The following ZNF276 variants were observed in gnomAD, a reference collection of about 807,000 sequenced individuals.
ZNF276 encodes the protein centromere protein Z.
In ZNF276, 59 loss-of-function variants were observed where a neutral mutation model predicts 63.9. The observed-to-expected ratio is 0.92, with a 90% CI of 0.75 to 1.15. ZNF276 has a LOEUF of 1.15. Among genes scored for constraint, ZNF276 ranks in the 50% most tolerant of loss-of-function variants. ZNF276 has a pLI of 0.00. For synonymous variants in ZNF276, 496 were observed against 348.4 expected, an observed-to-expected ratio of 1.42 and a Z score of -4.72; for missense variants, 1,084 against 843.8, an observed-to-expected ratio of 1.28 and a Z score of -3.53.
chr16:89,729,815 T>TA (rs2061588148), intron 6 of ZNF276, among the ~76,000 whole-genome samples: 1 of 152,224 alleles, frequency 6.6e-6, no homozygotes, highest in Non-Finnish European at 1.5e-5. Flanking sequence ...CCCTGTTGAA[T>TA]GACTTCTGTG....
Position 89,733,999 on chromosome 16 carries a change from G to C in ZNF276, c.1435G>C (p.Asp479His). The change falls in exon 9 of 11, where the codon GAC (aspartate) becomes CAC (histidine). Residue 479 changes from aspartate (D) to histidine (H), a missense_variant. Transcript: ENST00000443381. ...TGGCTGCAACAAGGTTTTCATGATC[G>C]ACCGCTACCTGCAGCGCCACGTGAA... is the stretch of plus-strand genomic sequence containing the variant. ...HPGCNKVFMI[D>H]RYLQRHVKLI... 1 of 1,614,076 alleles carries C rather than the reference G, an allele frequency of 6.2e-7. No homozygotes were observed. The highest frequency in any genetic ancestry group is 8.5e-7 in the Non-Finnish European group (1 of 1,180,030).
In ZNF276 at chr16:89,739,915, G is replaced by T. The variant is rs376159415; in HGVS notation, c.*1669G>T. 6.9e-6 allele frequency: 11 copies of T among 1,594,824 alleles called. No homozygotes were observed. The African/African-American group carries it at 1.3e-4, about 19-fold the overall frequency. On this transcript the variant is annotated 3_prime_UTR_variant, in exon 11 of 11. Coordinates refer to ENST00000443381, the MANE Select transcript of ZNF276 (RefSeq NM_001113525.2). ...TTACTTAGCAAGGAACCTCAAGGAG[G>T]GCTCGTTCTTAACCATTTGCAAGAT...
intron 6 of ZNF276, among the ~76,000 whole-genome samples, chr16:89,729,602 G>A (rs7185737): frequency 0.82 from 124,030 of 152,016 alleles, 51,707 homozygotes; most frequent in Non-Finnish European, 0.9. Flanking sequence ...TCTGTCGACA[G>A]AACCCCGCCT....
intron 6 of ZNF276, among the ~76,000 whole-genome samples, chr16:89,730,859 G>C (rs1223555555): frequency 6.6e-6 from 1 of 152,190 alleles, no homozygotes; most frequent in Non-Finnish European, 1.5e-5. Context: ...GGGCGTGCCC[G>C]CCTGTGTCCT....
Position 89,738,182 on chromosome 16 carries a change from C to G in ZNF276, c.1781C>G (p.Pro594Arg), listed in dbSNP as rs763348972. The G allele has an allele frequency of 6.2e-7, 1 of 1,611,872 alleles. No individual in the cohort carries two copies. Among genetic ancestry groups the G allele is most frequent in the Non-Finnish European group, 8.5e-7 (1 of 1,179,484 alleles). Residue 594 changes from proline to arginine, a missense_variant, in exon 11 of 11, where the codon CCA (proline) becomes CGA (arginine). Transcript: ENST00000443381. ...DKALPLEAEP[P>R]PGPPSPSVTT... ...GCCCTGCCCCTGGAGGCGGAACCACCACCTGGGCCACCGAGCCCCTCTGTG... is the reference window on the plus strand; with the variant it reads ...GCCCTGCCCCTGGAGGCGGAACCACGACCTGGGCCACCGAGCCCCTCTGTG...
At position 89,733,266 on chromosome 16, in the gene ZNF276, C is replaced by G. The variant is rs755924672; in HGVS notation, c.1170-36C>G. ...CAAAAAACATTTTGCAAATGGAGAT[C>G]AGAAACCATTGAATTTGGGAACCTC... On this transcript the variant is annotated intron_variant, in intron 6 of 10. Transcript: ENST00000443381. 55 of 1,583,618 alleles carry G rather than the reference C, an allele frequency of 3.5e-5. 1 individual carries two copies. The highest frequency in any genetic ancestry group is 1.7e-4 in the Middle Eastern group (1 of 6,022).
intron 6 of ZNF276, among the ~76,000 whole-genome samples, chr16:89,730,186 A>T (rs910230741): frequency 1.3e-5 from 2 of 152,240 alleles, no homozygotes; most frequent in South Asian, 2.1e-4. Context: ...AGCAGAGGGC[A>T]GGACTGAGCC....
intron 5 of ZNF276, 128 bp downstream of exon 5, chr16:89,727,485 T>C: frequency 9.2e-7 from 1 of 1,084,034 alleles, no homozygotes; most frequent in Non-Finnish European, 1.3e-6. Context: ...CAAACAGCCA[T>C]CGTAGGGTCG....
rs780750999 is a variant in ZNF276, at chr16:89,733,486, G to C, written c.1285G>C (p.Glu429Gln). The C allele has an allele frequency of 6.8e-6, 11 of 1,614,068 alleles. No homozygotes were observed. Among genetic ancestry groups the C allele is most frequent in the Non-Finnish European group, 8.5e-6 (10 of 1,180,050 alleles). Residue 429 changes from glutamate to glutamine, a missense_variant, in exon 8 of 11, where the codon GAG becomes CAG. Coordinates refer to ENST00000443381, the MANE Select transcript of ZNF276 (RefSeq NM_001113525.2). ...WKKKLRCERE[E>Q]LPTIYKCPYQ... ...CATGCATGCTCTTCATTGCAGGGAG[G>C]AGCTTCCCACCATCTACAAGTGTCC...
rs1229105590 is a variant in ZNF276 at position 89,738,504 on chromosome 16, AT to A, written c.*261del. 42 of 1,571,342 alleles carry A rather than the reference AT, an allele frequency of 2.7e-5. No individual in the cohort carries two copies. The highest frequency in any genetic ancestry group is 5.1e-5 in the Admixed American group (3 of 59,258). ...TTTCCCCACTAAAGCAGTCGAGGAGATTTGTAATCCACTTTTTAGTGCAACA... is the reference window on the plus strand; with the variant it reads ...TTTCCCCACTAAAGCAGTCGAGGAGATTGTAATCCACTTTTTAGTGCAACA... On this transcript the variant is annotated 3_prime_UTR_variant, in exon 11 of 11. Transcript: ENST00000443381.
In ZNF276 at chr16:89,739,593, T is replaced by G. The variant is rs2062072910; in HGVS notation, c.*1347T>G. 4 of 1,545,592 alleles carry G rather than the reference T, an allele frequency of 2.6e-6. No homozygotes were observed. Among genetic ancestry groups the G allele is most frequent in the African/African-American group, 2.7e-5 (2 of 73,022 alleles). ...AGTGGCTCAGGCAACTCTGGACATC[T>G]CTGCCTATTATCAGTGCTGGGGACA... On this transcript the variant is annotated 3_prime_UTR_variant, in exon 11 of 11. Coordinates refer to ENST00000443381, the MANE Select transcript of ZNF276 (RefSeq NM_001113525.2).
rs2151709274 is a variant in ZNF276, at chr16:89,738,467, A to G, written c.*221A>G. The G allele has an allele frequency of 2.1e-6, 3 of 1,459,048 alleles. No homozygotes were observed. Among genetic ancestry groups the G allele is most frequent in the African/African-American group, 1.4e-5 (1 of 71,566 alleles). The allele number at this position is 1,459,048 out of a possible 1,614,324, so 90.4% of individuals were successfully genotyped here. On this transcript the variant is annotated 3_prime_UTR_variant, in exon 11 of 11. Coordinates refer to ENST00000443381, the MANE Select transcript of ZNF276 (RefSeq NM_001113525.2). Reference sequence around the variant, plus strand: ...TGACTCGGGGCCGGACAGTTCATAAATAATTGATTCCTTTCCCCACTAAAG... The same window carrying G: ...TGACTCGGGGCCGGACAGTTCATAAGTAATTGATTCCTTTCCCCACTAAAG...
Position 89,739,056 on chromosome 16 carries a change from G to T in ZNF276, c.*810G>T. On this transcript the variant is annotated 3_prime_UTR_variant, in exon 11 of 11. Coordinates refer to ENST00000443381, the MANE Select transcript of ZNF276 (RefSeq NM_001113525.2). ...GTGTCCCCCATAGTCTGCATGCTGT[G>T]CCGGAACATTCTTTGGCAGAAGGAG... 1.2e-6 allele frequency: 2 copies of T among 1,613,938 alleles called. No individual in the cohort carries two copies. The highest frequency in any genetic ancestry group is 1.7e-6 in the Non-Finnish European group (2 of 1,179,850).
chr16:89,740,194 CT>C lies in ZNF276; in HGVS notation c.*1951del. On this transcript the variant is annotated 3_prime_UTR_variant, in exon 11 of 11. Transcript: ENST00000443381. ...CTCAGCACAGAAGAGGGCATTTCCT[CT>C]TTGCTTATTGTAAGTCTTAAAACTG... 1.0e-6 allele frequency: 1 copy of C among 996,166 alleles called. No individual in the cohort carries two copies. The allele number at this position is 996,166 out of a possible 1,614,324, so 61.7% of individuals were successfully genotyped here.
chr16:89,729,343 T>C (rs2061571280), intron 6 of ZNF276, 25 bp downstream of exon 6: 2 of 1,610,398 alleles, frequency 1.2e-6, no homozygotes, highest in Non-Finnish European at 1.7e-6. Context: ...CGGGGTCTGC[T>C]GGAGGCATCC....
In ZNF276 at chr16:89,739,478, C is replaced by T. The variant is rs2062067864; in HGVS notation, c.*1232C>T. On this transcript the variant is annotated 3_prime_UTR_variant, in exon 11 of 11. Coordinates refer to ENST00000443381, the MANE Select transcript of ZNF276 (RefSeq NM_001113525.2). The stretch of plus-strand genomic sequence containing the variant: ...TGACCAGCCCTGTGGGTGGAGGTAC[C>T]TGTAAAAAGCGAAAGGCAGCAGCCT... The T allele has an allele frequency of 6.4e-7, 1 of 1,551,346 alleles. No homozygotes were observed. The highest frequency in any genetic ancestry group is 8.7e-7 in the Non-Finnish European group (1 of 1,147,378).
At chr16:89,722,898 A>T in intron 2 of ZNF276, 64 bp downstream of exon 2, 2 of 1,567,928 alleles carry the variant, frequency 1.3e-6, no homozygotes, top group African/African-American at 1.3e-5. Flanking sequence ...GGGTGTTGAG[A>T]GAGGGACAGG....
At chr16:89,732,438 G>C (rs2061684364) in intron 6 of ZNF276, 1 of 152,870 alleles carries the variant, frequency 6.5e-6, no homozygotes, top group Non-Finnish European at 1.5e-5. Context: ...CTTGAGCTTG[G>C]AATCAAGCTG....
At position 89,737,849 on chromosome 16, in the gene ZNF276, G is replaced by A. The variant is rs1267381282; in HGVS notation, c.1518G>A (p.Lys506=). 4 of 1,614,190 alleles carry A rather than the reference G, an allele frequency of 2.5e-6. No homozygotes were observed. The highest frequency in any genetic ancestry group is 3.4e-6 in the Non-Finnish European group (4 of 1,180,040). ...GTGACGAATGTGGACAAACCTTCAA[G>A]CAGCGGAAGCACCTTCTCGTCCACC... The part of the protein sequence containing the change: ...YICDECGQTF[K]QRKHLLVHQM... The change falls in exon 10 of 11, where the codon AAG becomes AAA. Residue 506 remains lysine, a synonymous_variant. Coordinates refer to ENST00000443381, the MANE Select transcript of ZNF276 (RefSeq NM_001113525.2).
Sources: gnomAD v4.1 joint callset for allele counts (sites outside exome capture counted in the v4.1 genomes callset) on GRCh38, gnomAD v4.1.1 for gene constraint, MANE v1.5 for transcripts, NCBI Gene and HGNC (gene_info 2026-07-23, HGNC 2026-07-21) for gene names.